CHST10: variants seen among roughly 807,000 people sequenced by gnomAD.
The protein encoded by CHST10 is carbohydrate sulfotransferase 10.
CHST10 carries 24 observed loss-of-function variants against 34.7 expected under a neutral mutation model. That is an observed-to-expected ratio of 0.69 (90% CI 0.50 to 0.97). The LOEUF is 0.97. Ranked by LOEUF, CHST10 falls within the 50% of genes least tolerant of loss-of-function variation. The pLI, the probability that CHST10 is intolerant of heterozygous loss-of-function variation, is 0.00. For missense variants in CHST10, 402 were observed against 452.1 expected, an observed-to-expected ratio of 0.89 and a Z score of 1.00; for synonymous variants, 161 against 169.3, an observed-to-expected ratio of 0.95 and a Z score of 0.38.
intron 2 of CHST10, among the ~76,000 whole-genome samples, chr2:100,410,720 T>C (rs1675796423): frequency 6.6e-6 from 1 of 152,248 alleles, no homozygotes; most frequent in Non-Finnish European, 1.5e-5. Context: ...ACTTCAGTAT[T>C]ATTTGAAAAC....
In CHST10 at chr2:100,392,831, C is replaced by T. The variant is rs540151763; in HGVS notation, c.*414G>A. 8.5e-5 allele frequency: 17 copies of T among 200,524 alleles called. No individual in the cohort carries two copies. Among genetic ancestry groups the T allele is most frequent in the African/African-American group, 3.7e-4 (16 of 43,774 alleles). 12.4% of individuals were successfully genotyped at this position (200,524 alleles called of 1,614,324 possible). On this transcript the variant is annotated 3_prime_UTR_variant, in exon 7 of 7. Transcript: ENST00000264249. ...CCTCCTCAGAGTCCTGGGTGCTGTT[C>T]CTGCAACCCACCAGTGATGGGTGAA...
At chr2:100,399,113 T>G (rs7600849) in intron 4 of CHST10, among the ~76,000 whole-genome samples, 15,310 of 151,534 alleles carry the variant, frequency 0.1, 2,127 homozygotes, top group African/African-American at 0.3. Context: ...TTTTTTTTTT[T>G]TTTTTTATGA....
rs147487716 is a variant in CHST10, at chr2:100,393,298, C to T, written c.1018G>A (p.Glu340Lys). The change falls in exon 7 of 7, where the codon GAA (glutamate) becomes AAA (lysine). Residue 340 changes from glutamate to lysine, a missense_variant. Physicochemically the swap from Glu to Lys is moderately conservative, Grantham distance 56. Transcript: ENST00000264249. The part of the protein sequence containing the change: ...RDIRRLYARF[E>K]GDFKLFGYQK... ...TACCCAAAGAGCTTAAAGTCCCCTTCGAAACGGGCATACAGGCGTCGGATG... is the reference window on the plus strand; with the variant it reads ...TACCCAAAGAGCTTAAAGTCCCCTTTGAAACGGGCATACAGGCGTCGGATG... The T allele has an allele frequency of 3.6e-4, 587 of 1,614,182 alleles. 4 individuals carry two copies. In the African/African-American group the frequency reaches 7.1e-3, roughly 19 times the overall value.
chr2:100,393,655 T>C lies in CHST10; in HGVS notation c.661A>G (p.Ile221Val). ...PWYRHEIAPG[I>V]IRKYRRNRTE... The stretch of plus-strand genomic sequence containing the variant: ...CGGTTCCTCCTGTATTTTCTGATGA[T>C]GCCAGGAGCAATCTCATGCCTGTAC... Residue 221 changes from isoleucine (I) to valine (V), a missense_variant, in exon 7 of 7, where the codon ATC (isoleucine) becomes GTC (valine). Transcript: ENST00000264249. 6.2e-7 allele frequency: 1 copy of C among 1,614,164 alleles called. No homozygotes were observed. The highest frequency in any genetic ancestry group is 8.5e-7 in the Non-Finnish European group (1 of 1,180,028).
rs1573208630 is a variant in CHST10 at position 100,417,363 on chromosome 2, C to G, written c.-104+11G>C. 14 of 342,012 alleles carry G rather than the reference C, an allele frequency of 4.1e-5. No individual in the cohort carries two copies. The Admixed American group carries it at 5.3e-4, about 13-fold the overall frequency. The allele number at this position is 342,012 out of a possible 1,614,324, so 21.2% of individuals were successfully genotyped here. On this transcript the variant is annotated intron_variant, in intron 1 of 6. Transcript: ENST00000264249. ...GCTGAAACCCACCCGCCTGCGCGTC[C>G]CCGAGCTCACCCTACTGGAGCGGCG...
At chr2:100,400,236 G>A (rs1675277962) in intron 4 of CHST10, among the ~76,000 whole-genome samples, 2 of 152,184 alleles carry the variant, frequency 1.3e-5, no homozygotes, top group African/African-American at 4.8e-5. Context: ...CAAAGCATTA[G>A]AGACAAAAAT....
intron 4 of CHST10, among the ~76,000 whole-genome samples, chr2:100,399,397 G>A (rs1675233474): frequency 2.0e-5 from 3 of 152,144 alleles, no homozygotes; most frequent in East Asian, 1.9e-4. Context: ...AAGCCACCAC[G>A]CCCGGCCATA....
At chr2:100,396,526 T>C (rs948485680) in intron 5 of CHST10, among the ~76,000 whole-genome samples, 5 of 152,210 alleles carry the variant, frequency 3.3e-5, no homozygotes, top group African/African-American at 9.6e-5. Context: ...ATCTGACCAG[T>C]GGACACAGTC....
chr2:100,408,069 A>C (rs1675661044), intron 2 of CHST10: 2 of 152,186 alleles, frequency 1.3e-5, no homozygotes, highest in Admixed American at 6.5e-5. Flanking sequence ...AGGTTCCCCA[A>C]GTCGGGTTGA....
intron 2 of CHST10, among the ~76,000 whole-genome samples, chr2:100,409,925 G>A (rs1235655738): frequency 6.6e-6 from 1 of 152,158 alleles, no homozygotes; most frequent in Non-Finnish European, 1.5e-5. Context: ...GGACTGCAGG[G>A]TTCCCACCTC....
At chr2:100,398,640 G>A (rs1675188004) in intron 4 of CHST10, among the ~76,000 whole-genome samples, 2 of 152,176 alleles carry the variant, frequency 1.3e-5, no homozygotes, top group Non-Finnish European at 2.9e-5. Flanking sequence ...GGAGGTGGAG[G>A]TTGCAGTGAG....
Position 100,393,320 on chromosome 2 carries a change from G to C in CHST10, c.996C>G (p.Ile332Met). 1 of 1,614,228 alleles carries C rather than the reference G, an allele frequency of 6.2e-7. No homozygotes were observed. Among genetic ancestry groups the C allele is most frequent in the Non-Finnish European group, 8.5e-7 (1 of 1,180,042 alleles). Residue 332 changes from isoleucine (I) to methionine (M), a missense_variant, in exon 7 of 7, where the codon ATC (isoleucine) becomes ATG (methionine). Ile to Met is a conservative substitution (Grantham distance 10). Transcript: ENST00000264249. ...HYFLGISKRDIRRLYARFEGD... is the reference protein window; with the variant it reads ...HYFLGISKRDMRRLYARFEGD... ...CTTCGAAACGGGCATACAGGCGTCG[G>C]ATGTCTCGTTTGCTGATGCCCAGGA...
intron 5 of CHST10, among the ~76,000 whole-genome samples, chr2:100,395,883 C>T (rs376798300): frequency 9.2e-5 from 14 of 152,316 alleles, no homozygotes; most frequent in African/African-American, 2.9e-4. Flanking sequence ...AGTGGAAATG[C>T]TGGCAGTGCC....
intron 5 of CHST10, among the ~76,000 whole-genome samples, chr2:100,397,667 A>AGTC (rs1675121752): frequency 6.6e-6 from 1 of 152,226 alleles, no homozygotes; most frequent in African/African-American, 2.4e-5. Context: ...CTGCTGTGAC[A>AGTC]GGTGAGGAGA....
chr2:100,395,799 A>C (rs192797745), intron 5 of CHST10, among the ~76,000 whole-genome samples, 185 bp from the exon 6 acceptor site: 1 of 152,314 alleles, frequency 6.6e-6, no homozygotes, highest in African/African-American at 2.4e-5. Context: ...TGAACGAGTG[A>C]AGAAAAGCTT....
At chr2:100,411,979 T>C (rs1371525500) in intron 2 of CHST10, among the ~76,000 whole-genome samples, 1 of 152,246 alleles carries the variant, frequency 6.6e-6, no homozygotes, top group Non-Finnish European at 1.5e-5. Flanking sequence ...CTGAGGCAGA[T>C]GCAGGCCAGA....
At position 100,398,196 on chromosome 2, in the gene CHST10, C is replaced by T. The variant is rs868547604; in HGVS notation, c.193-54G>A. The T allele has an allele frequency of 3.1e-5, 42 of 1,366,900 alleles. 1 individual carries two copies. The South Asian group carries it at 3.9e-4, about 13-fold the overall frequency. The allele number at this position is 1,366,900 out of a possible 1,614,324, so 84.7% of individuals were successfully genotyped here. A position where few individuals can be genotyped will look rare whatever the true frequency, so the allele number is the denominator to read the frequency against. On this transcript the variant is annotated intron_variant, in intron 4 of 6. Transcript: ENST00000264249. ...CAGGGACCATTAAAGGAGGCAGGAC[C>T]GGGCCAAGCAGAGCCGCTCCTGCTG...
chr2:100,397,698 C>T (rs1208844070), intron 5 of CHST10, among the ~76,000 whole-genome samples: 2 of 152,186 alleles, frequency 1.3e-5, no homozygotes, highest in African/African-American at 2.4e-5. Context: ...GGCTGTGCCC[C>T]TTTGAAAAGA....
At chr2:100,409,343 C>T (rs2104233709) in intron 2 of CHST10, among the ~76,000 whole-genome samples, 1 of 152,312 alleles carries the variant, frequency 6.6e-6, no homozygotes, top group African/African-American at 2.4e-5. Context: ...AATAGCACCT[C>T]TTCTGTTCTC....
Sources: gnomAD v4.1 joint callset for allele counts (sites outside exome capture counted in the v4.1 genomes callset) on GRCh38, gnomAD v4.1.1 for gene constraint, MANE v1.5 for transcripts, NCBI Gene and HGNC (gene_info 2026-07-23, HGNC 2026-07-21) for gene names.